The following GCN1 variants were observed in gnomAD, a reference collection of about 807,000 sequenced individuals.
GCN1 encodes GCN1 activator of EIF2AK4.
In GCN1, 90 loss-of-function variants were observed where a neutral mutation model predicts 288.4. That is an observed-to-expected ratio of 0.31 (90% CI 0.26 to 0.37). The LOEUF is 0.37. Ranked by LOEUF, GCN1 falls within the 10% of genes least tolerant of loss-of-function variation. The pLI, the probability that GCN1 is intolerant of heterozygous loss-of-function variation, is 1.00. For synonymous variants in GCN1, 1,386 were observed against 1,420.2 expected, an observed-to-expected ratio of 0.98 and a Z score of 0.54; for missense variants, 2,586 against 3,419.9, an observed-to-expected ratio of 0.76 and a Z score of 6.08.
intron 42 of GCN1, among the ~76,000 whole-genome samples, chr12:120,143,748 A>T (rs1877273291): frequency 6.6e-6 from 1 of 152,190 alleles, no homozygotes; most frequent in East Asian, 1.9e-4. Flanking sequence ...CCATAAGTAA[A>T]ATTTTTAGAT....
At chr12:120,181,036 T>C (rs1878640853) in intron 5 of GCN1, among the ~76,000 whole-genome samples, 1 of 151,290 alleles carries the variant, frequency 6.6e-6, no homozygotes, top group Non-Finnish European at 1.5e-5. Flanking sequence ...GCAGATATGC[T>C]TGTGGAAAGC....
chr12:120,131,356 G>A (rs1374278878), intron 54 of GCN1, 23 bp from the exon 55 acceptor site: 1 of 1,611,958 alleles, frequency 6.2e-7, no homozygotes, highest in East Asian at 2.2e-5. Context: ...ACACGACTGG[G>A]ATCAACCGGT....
chr12:120,156,451 G>A lies in GCN1; in HGVS notation c.3312+10C>T, dbSNP rs1435222453. The A allele has an allele frequency of 1.2e-6, 2 of 1,613,106 alleles. No homozygotes were observed. The highest frequency in any genetic ancestry group is 2.2e-5 in the East Asian group (1 of 44,876). On this transcript the variant is annotated intron_variant, in intron 28 of 57. Coordinates refer to ENST00000300648, the MANE Select transcript of GCN1 (RefSeq NM_006836.2). The surrounding 1 kb of genome is among the most constrained non-coding windows in gnomAD (Gnocchi z 5.8). Reference sequence around the variant, plus strand: ...GGGACACTGCAGTGGCTCTGAGACTGAGCACACACCCGGAGCACGGTTTCC... The same window carrying A: ...GGGACACTGCAGTGGCTCTGAGACTAAGCACACACCCGGAGCACGGTTTCC...
intron 15 of GCN1, 23 bp from the exon 16 acceptor site, chr12:120,168,323 C>A: frequency 7.3e-7 from 1 of 1,378,218 alleles, no homozygotes. Flanking sequence ...AAAGGTTACC[C>A]CACGACGCAG....
At chr12:120,164,219 G>C (rs1233128263) in intron 18 of GCN1, 117 bp downstream of exon 18, 1 of 780,070 alleles carries the variant, frequency 1.3e-6, no homozygotes, top group Non-Finnish European at 2.1e-6. Flanking sequence ...GAAGATGCTG[G>C]CATCACACAG....
Position 120,162,951 on chromosome 12 carries a change from A to T in GCN1, c.2059T>A (p.Trp687Arg). ...PSLVAVQSGL[W>R]PALLARMKID... ...TTCATCCTGGCAAGAAGTGCTGGCC[A>T]AAGTCCAGACTGCACGGCAACTGAA... The change falls in exon 20 of 58, where the codon TGG (tryptophan) becomes AGG (arginine). Residue 687 changes from tryptophan to arginine, a missense_variant. By Grantham distance (101) the Trp-to-Arg change is moderately radical (BLOSUM62 -3). Around this residue, in one of 8 missense-constraint regions of GCN1, gnomAD observed 913 missense variants for 1,107.0 expected, o/e 0.82. Coordinates refer to ENST00000300648, the MANE Select transcript of GCN1 (RefSeq NM_006836.2). 1 of 1,614,226 alleles carries T rather than the reference A, an allele frequency of 6.2e-7. No homozygotes were observed. The highest frequency in any genetic ancestry group is 8.5e-7 in the Non-Finnish European group (1 of 1,180,048).
In GCN1 at chr12:120,149,622, C is replaced by A; in HGVS notation, c.4530G>T (p.Ser1510=). ...TGGTCTTACCAGCTTTGGTCCGCCA[C>A]GATTCCTCCTCCAGGGCAGCCAGTA... ...PSLLAALEEE[S]WRTKAGSVEL... Residue 1510 remains serine (S), a synonymous_variant, in exon 36 of 58, where the codon TCG becomes TCT. Transcript: ENST00000300648. 1 of 1,613,076 alleles carries A rather than the reference C, an allele frequency of 6.2e-7. No homozygotes were observed. The highest frequency in any genetic ancestry group is 8.5e-7 in the Non-Finnish European group (1 of 1,179,254).
At chr12:120,136,027 C>CAA (rs1180582294) in intron 51 of GCN1, among the ~76,000 whole-genome samples, 1 of 151,648 alleles carries the variant, frequency 6.6e-6, no homozygotes, top group African/African-American at 2.4e-5. Flanking sequence ...AAAAACAAAA[C>CAA]AAAACAAAAC....
Position 120,131,223 on chromosome 12 carries a change from C to CA in GCN1, c.7524dup (p.Val2509CysfsTer49). 1 of 1,614,204 alleles carries CA rather than the reference C, an allele frequency of 6.2e-7. No homozygotes were observed. Among genetic ancestry groups the CA allele is most frequent in the Non-Finnish European group, 8.5e-7 (1 of 1,180,014 alleles). On this transcript the variant is annotated frameshift_variant, in exon 55 of 58. Coordinates refer to ENST00000300648, the MANE Select transcript of GCN1 (RefSeq NM_006836.2). LOFTEE classifies it high-confidence loss of function. ...GCACTGCTCAGGATCATTTCCTGAA[C>CA]ATCACTGCTATATCTGCCGGCACAA...
Position 120,153,178 on chromosome 12 carries a change from A to C in GCN1, c.4062+35T>G. ...ACCACAGCCGGGTCCCAATTCTCTA[A>C]CCGACATGTGGGTCCCAGGCCAGAT... On this transcript the variant is annotated intron_variant, in intron 33 of 57. Coordinates refer to ENST00000300648, the MANE Select transcript of GCN1 (RefSeq NM_006836.2). The surrounding 1 kb of genome is among the most constrained non-coding windows in gnomAD (Gnocchi z 4.4). 6.3e-7 allele frequency: 1 copy of C among 1,590,148 alleles called. No homozygotes were observed. Among genetic ancestry groups the C allele is most frequent in the Non-Finnish European group, 8.6e-7 (1 of 1,159,404 alleles).
At position 120,155,209 on chromosome 12, in the gene GCN1, C is replaced by G. The variant is rs1345293851; in HGVS notation, c.3630+32G>C. On this transcript the variant is annotated intron_variant, in intron 30 of 57. Transcript: ENST00000300648. This position sits in a 1 kb window ranked among gnomAD's most constrained non-coding sequence, Gnocchi z 4.9. ...AGAGACCCACCCAACCGCACACACC[C>G]AGACTGCATCAGGGCTGCACAGGTC... 1 of 1,606,732 alleles carries G rather than the reference C, an allele frequency of 6.2e-7. No homozygotes were observed. Among genetic ancestry groups the G allele is most frequent in the Admixed American group, 1.7e-5 (1 of 60,004 alleles).
intron 33 of GCN1, 49 bp from the exon 34 acceptor site, chr12:120,151,440 C>A (rs1196907418): frequency 2.5e-6 from 4 of 1,601,616 alleles, no homozygotes; most frequent in Admixed American, 3.4e-5. Flanking sequence ...GCAGCCGTTT[C>A]ATGGTTGGTG....
chr12:120,166,597 A>T (rs1341434696), intron 16 of GCN1, among the ~76,000 whole-genome samples: 2 of 149,584 alleles, frequency 1.3e-5, no homozygotes, highest in African/African-American at 4.9e-5. Flanking sequence ...CCAGCTACTC[A>T]GGAGGCTGAG....
At chr12:120,146,557 A>G (rs1877369074) in intron 38 of GCN1, among the ~76,000 whole-genome samples, 1 of 150,592 alleles carries the variant, frequency 6.6e-6, no homozygotes, top group African/African-American at 2.5e-5. Flanking sequence ...TAATTTCCCA[A>G]ATTTTCTAGG....
In GCN1 at chr12:120,158,372, G is replaced by C; in HGVS notation, c.2905+88C>G. 8.9e-7 allele frequency: 1 copy of C among 1,123,488 alleles called. No homozygotes were observed. The highest frequency in any genetic ancestry group is 1.6e-5 in the African/African-American group (1 of 64,198). 69.6% of individuals were successfully genotyped at this position (1,123,488 alleles called of 1,614,324 possible). ...CATATGGTCCAATCCCCCAGGCTCA[G>C]GAGGCCCTGGGTGACGCTGTGCCTT... On this transcript the variant is annotated intron_variant, in intron 25 of 57. Transcript: ENST00000300648. This position sits in a 1 kb window ranked among gnomAD's most constrained non-coding sequence, Gnocchi z 4.3.
Position 120,162,067 on chromosome 12 carries a change from C to T in GCN1, c.2164-9G>A. ...ATGGCATTCATGGAGGACTGCCAGA[C>T]AAACGCAGACATGGTCAGTGTGTGC... On this transcript the variant is annotated splice_polypyrimidine_tract_variant and intron_variant, in intron 20 of 57. Transcript: ENST00000300648. 2 of 1,610,736 alleles carry T rather than the reference C, an allele frequency of 1.2e-6. No homozygotes were observed.
intron 1 of GCN1, among the ~76,000 whole-genome samples, chr12:120,191,725 GCA>G (rs1218299403): frequency 1.6e-4 from 25 of 152,268 alleles, no homozygotes; most frequent in Admixed American, 2.0e-4. Context: ...AGTCATAGAT[GCA>G]CACAGAGTCA....
At position 120,149,734 on chromosome 12, in the gene GCN1, A is replaced by G; in HGVS notation, c.4432-14T>C. The G allele has an allele frequency of 2.5e-6, 4 of 1,605,778 alleles. No individual in the cohort carries two copies. Among genetic ancestry groups the G allele is most frequent in the Non-Finnish European group, 2.6e-6 (3 of 1,172,646 alleles). Reference sequence around the variant, plus strand: ...GTCATCTGCAGCCTCAAGGGGGGAGAAAACACATTCAGGGGCCTCCTCACC... The same window carrying G: ...GTCATCTGCAGCCTCAAGGGGGGAGGAAACACATTCAGGGGCCTCCTCACC... On this transcript the variant is annotated splice_polypyrimidine_tract_variant and intron_variant, in intron 35 of 57. Coordinates refer to ENST00000300648, the MANE Select transcript of GCN1 (RefSeq NM_006836.2).
intron 55 of GCN1, 27 bp downstream of exon 55, chr12:120,131,158 C>A: frequency 1.2e-6 from 2 of 1,611,344 alleles, no homozygotes; most frequent in Non-Finnish European, 1.7e-6. Flanking sequence ...TGGCCTATGC[C>A]TATGGGATAT....
Sources: gnomAD v4.1 joint callset for allele counts (sites outside exome capture counted in the v4.1 genomes callset) on GRCh38, gnomAD v4.1.1 for gene constraint, gnomAD v4.1.1 regional missense constraint, Gnocchi (gnomAD v3.1) non-coding constraint, MANE v1.5 for transcripts, NCBI Gene and HGNC (gene_info 2026-07-23, HGNC 2026-07-21) for gene names.